The following CLEC16A variants were observed in gnomAD, a reference collection of about 807,000 sequenced individuals.
The protein encoded by CLEC16A is C-type lectin domain containing 16A, also known as protein CLEC16A.
In CLEC16A, 51 loss-of-function variants were observed where a neutral mutation model predicts 109.5. That is an observed-to-expected ratio of 0.47 (90% CI 0.37 to 0.59). The LOEUF (loss-of-function observed/expected upper bound fraction) is 0.59. Ranked by LOEUF, CLEC16A falls within the 20% of genes least tolerant of loss-of-function variation. The pLI is 0.00. For missense variants in CLEC16A, 1,339 were observed against 1,394.0 expected (o/e 0.96, Z 0.63); for synonymous variants, 673 against 564.2 (o/e 1.19, Z -2.73).
intron 22 of CLEC16A, among the ~76,000 whole-genome samples, chr16:11,147,937 CTTCCCTAAAA>C (rs2054134878): frequency 6.6e-6 from 1 of 152,246 alleles, no homozygotes; most frequent in Non-Finnish European, 1.5e-5. Flanking sequence ...CACCCTTTCT[CTTCCCTAAAA>C]CGTGCCTTTT....
At chr16:11,029,024 G>A (rs1003088526) in intron 13 of CLEC16A, among the ~76,000 whole-genome samples, 1 of 152,116 alleles carries the variant, frequency 6.6e-6, no homozygotes, top group African/African-American at 2.4e-5. Flanking sequence ...GGTCATTTTT[G>A]ATTGGTTGAC....
rs1255979860 is a variant in CLEC16A at position 10,944,670 on chromosome 16, T to C, written c.-48T>C. The C allele has an allele frequency of 1.9e-6, 3 of 1,548,018 alleles. No homozygotes were observed. The highest frequency in any genetic ancestry group is 8.8e-7 in the Non-Finnish European group (1 of 1,136,144). ...CGCCGCGGGCGCTGGGCCGCTCTGCTGGTCCGGCATGAGACCGTGAGACGA... is the reference window on the plus strand; with the variant it reads ...CGCCGCGGGCGCTGGGCCGCTCTGCCGGTCCGGCATGAGACCGTGAGACGA... On this transcript the variant is annotated 5_prime_UTR_variant, in exon 1 of 24. Transcript: ENST00000409790.
intron 22 of CLEC16A, among the ~76,000 whole-genome samples, chr16:11,135,786 G>C (rs1460554898): frequency 6.6e-6 from 1 of 152,254 alleles, no homozygotes; most frequent in Non-Finnish European, 1.5e-5. Flanking sequence ...AGCCATGCCG[G>C]CAGCACAGCA....
chr16:11,043,718 A>G (rs984391383), intron 15 of CLEC16A, among the ~76,000 whole-genome samples: 4 of 151,778 alleles, frequency 2.6e-5, no homozygotes, highest in African/African-American at 7.3e-5. Context: ...TACAAAAATT[A>G]GCCAGGCATG....
At chr16:11,154,019 C>T (rs572247138) in intron 22 of CLEC16A, among the ~76,000 whole-genome samples, 17 of 152,266 alleles carry the variant, frequency 1.1e-4, no homozygotes, top group Non-Finnish European at 1.9e-4. Flanking sequence ...TTGAAGCTAC[C>T]GATTTTGGAA....
At position 11,022,337 on chromosome 16, in the gene CLEC16A, C is replaced by CTTT. The variant is rs36094157; in HGVS notation, c.1436+2034_1436+2036dup. ...GGCCAGAGTCACCATGTCTGGCTAC[C>CTTT]TTTTTTTTTTTTTTTTTTTTTTTTG... On this transcript the variant is annotated intron_variant, in intron 12 of 23. Coordinates refer to ENST00000409790, the MANE Select transcript of CLEC16A (RefSeq NM_015226.3). Among the ~76,000 whole-genome samples, 366 of 93,454 alleles carry CTTT rather than the reference C, an allele frequency of 3.9e-3. 10 individuals are homozygous for CTTT. The highest frequency in any genetic ancestry group is 5.2e-3 in the Non-Finnish European group (262 of 50,214). The allele number at this position is 93,454 out of a possible 152,430, so 61.3% of individuals were successfully genotyped here.
At chr16:11,119,464 T>C (rs1342499739) in intron 19 of CLEC16A, among the ~76,000 whole-genome samples, 1 of 152,118 alleles carries the variant, frequency 6.6e-6, no homozygotes, top group East Asian at 1.9e-4. Flanking sequence ...TCATGGCTCA[T>C]TGCAGCCTTG....
chr16:11,030,203 A>G (rs1238723398), intron 13 of CLEC16A, among the ~76,000 whole-genome samples: 1 of 152,254 alleles, frequency 6.6e-6, no homozygotes, highest in Non-Finnish European at 1.5e-5. Context: ...GGCCCCATAC[A>G]ATGTATGCCC....
intron 10 of CLEC16A, among the ~76,000 whole-genome samples, chr16:10,985,517 G>A (rs2043590163): frequency 1.3e-5 from 2 of 149,994 alleles, no homozygotes; most frequent in African/African-American, 2.4e-5. Flanking sequence ...TATGTTAATA[G>A]CAACTGGAGA....
chr16:10,948,468 A>G (rs1215341337), intron 1 of CLEC16A, among the ~76,000 whole-genome samples: 1 of 152,204 alleles, frequency 6.6e-6, no homozygotes, highest in Non-Finnish European at 1.5e-5. Context: ...TATTGTCCAG[A>G]TTAGTGGCAA....
chr16:10,968,342 G>A (rs1160721638), intron 3 of CLEC16A, among the ~76,000 whole-genome samples: 2 of 152,210 alleles, frequency 1.3e-5, no homozygotes, highest in African/African-American at 4.8e-5. Flanking sequence ...TGCAGTGTTG[G>A]AATCTGGTTT....
At chr16:11,107,610 A>C (rs575413843) in intron 19 of CLEC16A, among the ~76,000 whole-genome samples, 2 of 152,246 alleles carry the variant, frequency 1.3e-5, no homozygotes, top group Admixed American at 6.5e-5. Context: ...CCCCCACCGG[A>C]GTGAGTCGAG....
At chr16:11,162,962 C>G (rs989200522) in intron 22 of CLEC16A, among the ~76,000 whole-genome samples, 5 of 152,042 alleles carry the variant, frequency 3.3e-5, no homozygotes, top group African/African-American at 1.2e-4. Context: ...TTGAAGCATA[C>G]CCAGGGAGAG....
chr16:11,090,145 C>A (rs1212424304), intron 19 of CLEC16A, among the ~76,000 whole-genome samples: 1 of 152,150 alleles, frequency 6.6e-6, no homozygotes, highest in Non-Finnish European at 1.5e-5. Flanking sequence ...CATTCTGGTT[C>A]CCTGGAAGAA....
intron 19 of CLEC16A, among the ~76,000 whole-genome samples, chr16:11,113,453 G>T (rs1484148426): frequency 2.0e-5 from 3 of 152,062 alleles, no homozygotes; most frequent in Non-Finnish European, 2.9e-5. Context: ...TGAGCCAGCA[G>T]TTCGAGTCCA....
intron 22 of CLEC16A, among the ~76,000 whole-genome samples, chr16:11,144,237 G>C (rs2053960056): frequency 6.6e-6 from 1 of 152,228 alleles, no homozygotes; most frequent in African/African-American, 2.4e-5. Context: ...AGAGCAAGGA[G>C]CTGAGTGAAC....
At position 11,166,401 on chromosome 16, in the gene CLEC16A, C is replaced by G. The variant is rs763959400; in HGVS notation, c.2655C>G (p.Ala885=). The G allele has an allele frequency of 6.2e-7, 1 of 1,602,138 alleles. No homozygotes were observed. The highest frequency in any genetic ancestry group is 8.5e-7 in the Non-Finnish European group (1 of 1,178,178). Residue 885 remains alanine (A), a synonymous_variant, in exon 23 of 24, where the codon GCC becomes GCG. Coordinates refer to ENST00000409790, the MANE Select transcript of CLEC16A (RefSeq NM_015226.3). The part of the protein sequence containing the change: ...SVDKVPGFAV[A]QCINQHSSPS... The stretch of plus-strand genomic sequence containing the variant: ...TTTGTCTTGCAGGCTTCGCCGTGGC[C>G]CAGTGCATAAACCAGCACAGCTCCC...
chr16:10,995,759 C>G (rs2044289638), intron 10 of CLEC16A, among the ~76,000 whole-genome samples: 1 of 152,154 alleles, frequency 6.6e-6, no homozygotes, highest in Admixed American at 6.5e-5. Flanking sequence ...GAATGTGGGT[C>G]TCAGACTTGG....
intron 10 of CLEC16A, among the ~76,000 whole-genome samples, chr16:10,996,555 G>A (rs1015123240): frequency 6.6e-6 from 1 of 152,152 alleles, no homozygotes; most frequent in Non-Finnish European, 1.5e-5. Context: ...TCCAAGACTT[G>A]TATCAGTCAT....
Sources: allele counts gnomAD v4.1 joint callset (sites outside exome capture counted in the v4.1 genomes callset), GRCh38; gene constraint gnomAD v4.1.1; transcripts MANE v1.5; gene names NCBI Gene and HGNC (gene_info 2026-07-23, HGNC 2026-07-21).